FAM110B: variants seen among roughly 807,000 people sequenced by gnomAD.
FAM110B encodes the protein protein FAM110B.
In FAM110B, 6 loss-of-function variants were observed where a neutral mutation model predicts 20.4. The ratio of observed to expected loss-of-function variants is 0.29; its 90% CI spans 0.16 to 0.58. FAM110B has a LOEUF of 0.58. Ranked by LOEUF, FAM110B falls within the 20% of genes least tolerant of loss-of-function variation. The pLI, the probability that FAM110B is intolerant of heterozygous loss-of-function variation, is 0.90. For synonymous variants in FAM110B, 226 were observed against 214.1 expected (o/e 1.06, Z -0.49); for missense variants, 434 against 498.2 (o/e 0.87, Z 1.23).
intron 3 of FAM110B, among the ~76,000 whole-genome samples, chr8:58,086,751 G>T (rs936223293): frequency 2.0e-5 from 3 of 152,192 alleles, no homozygotes; most frequent in African/African-American, 7.2e-5. Context: ...GTCAGTGATG[G>T]ATGGTGATGC....
chr8:58,050,840 C>A (rs1805425411), intron 2 of FAM110B, among the ~76,000 whole-genome samples: 1 of 152,136 alleles, frequency 6.6e-6, no homozygotes, highest in African/African-American at 2.4e-5. Flanking sequence ...AGGGCATACA[C>A]CAGGGGGTGG....
chr8:58,041,048 C>A (rs1194928278), intron 2 of FAM110B, among the ~76,000 whole-genome samples: 1 of 142,224 alleles, frequency 7.0e-6, no homozygotes, highest in Non-Finnish European at 1.5e-5. Context: ...TCAAGTGATT[C>A]TCCTGCCTCA....
At chr8:58,006,777 G>GT (rs1012479262) in intron 1 of FAM110B, among the ~76,000 whole-genome samples, 2 of 150,930 alleles carry the variant, frequency 1.3e-5, no homozygotes, top group African/African-American at 2.4e-5. Flanking sequence ...TAATTTTTGT[G>GT]TTTTTAGTAG....
chr8:58,092,089 C>T (rs1018642934), intron 3 of FAM110B, among the ~76,000 whole-genome samples: 9 of 152,118 alleles, frequency 5.9e-5, no homozygotes, highest in Non-Finnish European at 1.5e-5. Flanking sequence ...CATTCTGTTG[C>T]TGTTAATTGA....
chr8:58,098,520 C>G (rs1055865332), intron 3 of FAM110B, among the ~76,000 whole-genome samples: 3 of 152,138 alleles, frequency 2.0e-5, no homozygotes, highest in Non-Finnish European at 4.4e-5. Context: ...CACTTGGCTC[C>G]CTGGCTTCAG....
intron 2 of FAM110B, among the ~76,000 whole-genome samples, chr8:58,033,073 C>T (rs954849142): frequency 1.3e-5 from 2 of 152,302 alleles, no homozygotes; most frequent in South Asian, 2.1e-4. Context: ...TAACTCCCCC[C>T]AGTAGTCTCC....
chr8:58,103,705 G>A (rs1351887064), intron 3 of FAM110B, among the ~76,000 whole-genome samples: 3 of 152,154 alleles, frequency 2.0e-5, no homozygotes, highest in Admixed American at 1.3e-4. Flanking sequence ...ATGTGAATAT[G>A]AATAAGGATT....
intron 3 of FAM110B, among the ~76,000 whole-genome samples, chr8:58,132,238 C>T (rs1188329697): frequency 2.0e-5 from 3 of 152,140 alleles, no homozygotes; most frequent in Non-Finnish European, 4.4e-5. Context: ...CACTCCCCCT[C>T]ACTGATGTAT....
intron 3 of FAM110B, among the ~76,000 whole-genome samples, chr8:58,087,035 G>A (rs544046841): frequency 6.6e-6 from 1 of 152,348 alleles, no homozygotes; most frequent in East Asian, 1.9e-4. Flanking sequence ...TTGCAGATCT[G>A]TGCCTCTAAA....
intron 3 of FAM110B, among the ~76,000 whole-genome samples, chr8:58,144,780 T>G (rs906088395): frequency 6.6e-6 from 1 of 152,234 alleles, no homozygotes; most frequent in African/African-American, 2.4e-5. Flanking sequence ...TTGTAAATGT[T>G]CTCTGCCTGC....
At chr8:58,103,278 C>T (rs528230785) in intron 3 of FAM110B, among the ~76,000 whole-genome samples, 4 of 151,602 alleles carry the variant, frequency 2.6e-5, no homozygotes, top group Admixed American at 6.6e-5. Context: ...CCCACTAACT[C>T]GTCATCTAGC....
intron 2 of FAM110B, among the ~76,000 whole-genome samples, chr8:58,050,474 G>A (rs1242581364): frequency 6.6e-6 from 1 of 152,166 alleles, no homozygotes; most frequent in Non-Finnish European, 1.5e-5. Context: ...TAAGGCCATG[G>A]GGAGGAATCT....
chr8:57,999,150 A>C (rs6471673), intron 1 of FAM110B, among the ~76,000 whole-genome samples: 59,522 of 152,038 alleles, frequency 0.39, 14,667 homozygotes, highest in African/African-American at 0.69. Context: ...TGGATGATTA[A>C]ACAGTTTTAA....
At chr8:58,074,820 G>A (rs1056061660) in intron 2 of FAM110B, among the ~76,000 whole-genome samples, 8 of 152,104 alleles carry the variant, frequency 5.3e-5, no homozygotes, top group African/African-American at 1.9e-4. Context: ...TTCTGTAGAT[G>A]GGGAGTGTGT....
At chr8:58,118,280 A>G (rs903043209) in intron 3 of FAM110B, among the ~76,000 whole-genome samples, 1 of 152,208 alleles carries the variant, frequency 6.6e-6, no homozygotes, top group Non-Finnish European at 1.5e-5. Flanking sequence ...GGAAATGCCA[A>G]TGCAGATTGA....
At chr8:58,071,070 G>A (rs1273385627) in intron 2 of FAM110B, among the ~76,000 whole-genome samples, 1 of 151,844 alleles carries the variant, frequency 6.6e-6, no homozygotes, top group Non-Finnish European at 1.5e-5. Context: ...CAGGAAGGTG[G>A]GGTTCTTACC....
intron 2 of FAM110B, among the ~76,000 whole-genome samples, chr8:58,067,222 T>C (rs567431367): frequency 5.3e-5 from 8 of 152,252 alleles, no homozygotes; most frequent in Admixed American, 3.9e-4. Flanking sequence ...GAACAGAACT[T>C]GAGGAAATCC....
intron 2 of FAM110B, among the ~76,000 whole-genome samples, chr8:58,052,294 T>A (rs369361402): frequency 7.3e-4 from 111 of 152,278 alleles, no homozygotes; most frequent in African/African-American, 2.6e-3. Context: ...TTTAATTTCA[T>A]CCTTTGTGAC....
rs759729835 is a variant in FAM110B at position 58,146,818 on chromosome 8, G to A, written c.588G>A (p.Val196=). 9 of 1,610,708 alleles carry A rather than the reference G, an allele frequency of 5.6e-6. No homozygotes were observed. Among genetic ancestry groups the A allele is most frequent in the African/African-American group, 1.3e-5 (1 of 74,892 alleles). Residue 196 remains valine, a synonymous_variant, in exon 4 of 4, where the codon GTG becomes GTA. Transcript: ENST00000519262. ...LEQSAESFLH[V]SHSSSDIRKV... is the part of the protein sequence containing the mutation. ...AGTCAGCCGAGTCCTTCCTCCACGTGTCCCACAGCTCTTCGGACATCCGCA... is the reference window on the plus strand; with the variant it reads ...AGTCAGCCGAGTCCTTCCTCCACGTATCCCACAGCTCTTCGGACATCCGCA...
Sources: allele counts gnomAD v4.1 joint callset (sites outside exome capture counted in the v4.1 genomes callset), GRCh38; gene constraint gnomAD v4.1.1; transcripts MANE v1.5; gene names NCBI Gene and HGNC (gene_info 2026-07-23, HGNC 2026-07-21).